The following DOK6 variants were observed in gnomAD, a reference collection of about 807,000 sequenced individuals.
DOK6 encodes the protein downstream of tyrosine kinase 6.
In DOK6, 22 loss-of-function variants were observed where a neutral mutation model predicts 44.0. The observed-to-expected ratio is 0.50, with a 90% CI of 0.36 to 0.71. The LOEUF is 0.71. Among genes scored for constraint, DOK6 ranks in the 30% least tolerant of loss-of-function variants. DOK6 has a pLI of 0.00. For missense variants in DOK6, 340 were observed against 416.4 expected, an observed-to-expected ratio of 0.82 and a Z score of 1.60; for synonymous variants, 166 against 145.5, an observed-to-expected ratio of 1.14 and a Z score of -1.01.
chr18:69,562,259 T>C (rs899470032), intron 1 of DOK6, among the ~76,000 whole-genome samples: 1 of 152,178 alleles, frequency 6.6e-6, no homozygotes, highest in African/African-American at 2.4e-5. Flanking sequence ...ATGGTTTGTG[T>C]CAGTGTAATT....
chr18:69,491,850 T>C (rs1032222298), intron 1 of DOK6, among the ~76,000 whole-genome samples: 1 of 152,240 alleles, frequency 6.6e-6, no homozygotes, highest in Non-Finnish European at 1.5e-5. Context: ...TCATCTTTTT[T>C]CTTAACTATG....
chr18:69,439,272 A>C (rs1049544638), intron 1 of DOK6, among the ~76,000 whole-genome samples: 2 of 152,210 alleles, frequency 1.3e-5, no homozygotes, highest in Admixed American at 6.5e-5. Flanking sequence ...TTTATAGAGT[A>C]CTGGCAGAGT....
chr18:69,838,058 G>A (rs557607983), intron 7 of DOK6, among the ~76,000 whole-genome samples: 4 of 152,102 alleles, frequency 2.6e-5, no homozygotes, highest in African/African-American at 9.6e-5. Context: ...TTAATCGCAT[G>A]ATTGACTTTT....
intron 1 of DOK6, among the ~76,000 whole-genome samples, chr18:69,560,163 G>T (rs566309531): frequency 4.6e-5 from 7 of 152,212 alleles, no homozygotes; most frequent in Admixed American, 1.3e-4. Flanking sequence ...TCTTCATGAG[G>T]TATATTGATC....
chr18:69,521,878 G>A (rs551061977), intron 1 of DOK6, among the ~76,000 whole-genome samples: 23 of 151,902 alleles, frequency 1.5e-4, no homozygotes, highest in East Asian at 5.8e-4. Context: ...TGCATGAAAC[G>A]TCATATTGTA....
intron 1 of DOK6, among the ~76,000 whole-genome samples, chr18:69,455,359 T>C (rs1979605591): frequency 6.6e-6 from 1 of 152,192 alleles, no homozygotes; most frequent in South Asian, 2.1e-4. Context: ...AAAAGCCACT[T>C]GACCTACTTT....
At chr18:69,521,407 A>T (rs1981681479) in intron 1 of DOK6, among the ~76,000 whole-genome samples, 1 of 151,464 alleles carries the variant, frequency 6.6e-6, no homozygotes, top group Non-Finnish European at 1.5e-5. Context: ...TTTTTTTAGG[A>T]AGTATGCTGC....
chr18:69,719,719 T>C (rs1265687055), intron 5 of DOK6, among the ~76,000 whole-genome samples: 1 of 152,180 alleles, frequency 6.6e-6, no homozygotes, highest in Non-Finnish European at 1.5e-5. Context: ...ACTAAATTGC[T>C]CCCATAGTTA....
At chr18:69,641,263 G>GATAA (rs756550920) in intron 3 of DOK6, among the ~76,000 whole-genome samples, 105 of 151,546 alleles carry the variant, frequency 6.9e-4, no homozygotes, top group Non-Finnish European at 9.6e-4. Flanking sequence ...AAATAAATAT[G>GATAA]AAGTAGTGCT....
intron 3 of DOK6, among the ~76,000 whole-genome samples, chr18:69,653,433 G>A (rs1023293546): frequency 5.9e-5 from 9 of 152,120 alleles, no homozygotes; most frequent in African/African-American, 2.2e-4. Context: ...GTTGCTTCCC[G>A]AGGTACTTGC....
At chr18:69,655,380 A>G (rs1985333696) in intron 3 of DOK6, among the ~76,000 whole-genome samples, 1 of 152,216 alleles carries the variant, frequency 6.6e-6, no homozygotes, top group African/African-American at 2.4e-5. Context: ...TGCCATTGAA[A>G]TGGAAAGGAT....
intron 7 of DOK6, among the ~76,000 whole-genome samples, chr18:69,816,637 T>C (rs1355611903): frequency 6.6e-6 from 1 of 152,202 alleles, no homozygotes; most frequent in African/African-American, 2.4e-5. Context: ...GGTATTATTA[T>C]CCCCTGTTTT....
intron 7 of DOK6, among the ~76,000 whole-genome samples, chr18:69,787,678 A>T (rs1980473055): frequency 6.6e-6 from 1 of 152,198 alleles, no homozygotes; most frequent in Non-Finnish European, 1.5e-5. Context: ...GCACGCTGCT[A>T]AACAACCTCA....
Position 69,841,822 on chromosome 18 carries a change from G to A in DOK6, c.*439G>A, listed in dbSNP as rs1238002652. On this transcript the variant is annotated 3_prime_UTR_variant, in exon 8 of 8. Transcript: ENST00000382713. ...CTCCACAAGCTCTGTGGCTTTTAAA[G>A]TTCTGACAGGGATAAATACAGTAAG... is the stretch of plus-strand genomic sequence containing the variant. 6.2e-6 allele frequency: 1 copy of A among 161,394 alleles called. No individual in the cohort carries two copies. The highest frequency in any genetic ancestry group is 1.4e-5 in the Non-Finnish European group (1 of 72,978). 10.0% of individuals were successfully genotyped at this position (161,394 alleles called of 1,614,324 possible).
At chr18:69,721,222 T>C (rs190903266) in intron 5 of DOK6, 1 of 152,330 alleles carries the variant, frequency 6.6e-6, no homozygotes, top group East Asian at 1.9e-4. Flanking sequence ...TGAAAGTTCT[T>C]TTCTCCTACT....
At chr18:69,413,946 A>G (rs1459764459) in intron 1 of DOK6, among the ~76,000 whole-genome samples, 1 of 151,942 alleles carries the variant, frequency 6.6e-6, no homozygotes, top group East Asian at 1.9e-4. Flanking sequence ...ATGAACATAC[A>G]TTTCACCAAA....
intron 3 of DOK6, among the ~76,000 whole-genome samples, chr18:69,606,196 C>T (rs528854668): frequency 4.6e-5 from 7 of 151,828 alleles, no homozygotes; most frequent in Non-Finnish European, 7.4e-5. Context: ...TGCTTGAACC[C>T]GGAAGGCAGA....
At chr18:69,704,661 A>G (rs1233800791) in intron 5 of DOK6, among the ~76,000 whole-genome samples, 1 of 151,642 alleles carries the variant, frequency 6.6e-6, no homozygotes, top group Non-Finnish European at 1.5e-5. Flanking sequence ...TTGTATTTTT[A>G]CTAGAGACGG....
At chr18:69,835,149 A>C (rs1982007715) in intron 7 of DOK6, among the ~76,000 whole-genome samples, 1 of 152,148 alleles carries the variant, frequency 6.6e-6, no homozygotes, top group African/African-American at 2.4e-5. Flanking sequence ...TGAGGACATA[A>C]AGCCTAACCA....
Sources: gnomAD v4.1 joint callset for allele counts (sites outside exome capture counted in the v4.1 genomes callset) on GRCh38, gnomAD v4.1.1 for gene constraint, MANE v1.5 for transcripts, NCBI Gene and HGNC (gene_info 2026-07-23, HGNC 2026-07-21) for gene names.